Variants in CCDC3 observed in about 807,000 individuals in gnomAD.
The protein encoded by CCDC3 is coiled-coil domain containing 3, also known as coiled-coil domain-containing protein 3.
Under a neutral mutation model 21.4 loss-of-function variants are expected in CCDC3, and 24 were observed. That is an observed-to-expected ratio of 1.12 (90% CI 0.81 to 1.58). CCDC3 has a LOEUF of 1.58. Among genes scored for constraint, CCDC3 ranks in the 40% most tolerant of loss-of-function variants. CCDC3 has a pLI of 0.00. For missense variants in CCDC3, 425 were observed against 360.9 expected, an observed-to-expected ratio of 1.18 and a Z score of -1.44; for synonymous variants, 186 against 166.0, an observed-to-expected ratio of 1.12 and a Z score of -0.93.
At chr10:12,992,050 A>G (rs776602364) in intron 2 of CCDC3, among the ~76,000 whole-genome samples, 1 of 149,294 alleles carries the variant, frequency 6.7e-6, no homozygotes, top group African/African-American at 2.5e-5. Context: ...GACGGTGGTA[A>G]TAACACATAT....
At chr10:12,986,423 C>A (rs1414932328) in intron 2 of CCDC3, among the ~76,000 whole-genome samples, 1 of 152,200 alleles carries the variant, frequency 6.6e-6, no homozygotes, top group African/African-American at 2.4e-5. Context: ...CTGTACATTT[C>A]TTTGCAACTG....
rs76034469 is a variant in CCDC3, at chr10:12,903,320, C to G, written c.550-4641G>C. ...CCTGTGTTTAAGAAAGCAAGAATTT[C>G]TAGAGGAGAGCTGTGCTTTCCAAAA... is the stretch of plus-strand genomic sequence containing the variant. On this transcript the variant is annotated intron_variant, in intron 2 of 2. Coordinates refer to ENST00000378825, the MANE Select transcript of CCDC3 (RefSeq NM_031455.4). Among the ~76,000 whole-genome samples, 194 of 152,340 alleles carry G rather than the reference C, an allele frequency of 1.3e-3. 2 individuals are homozygous for G. In the East Asian group the frequency reaches 0.025, roughly 20 times the overall value.
At chr10:13,084,101 T>C (rs189525391) in intron 3 of CCDC3, among the ~76,000 whole-genome samples, 136 of 152,318 alleles carry the variant, frequency 8.9e-4, no homozygotes, top group African/African-American at 2.9e-3. Flanking sequence ...TTGCAAGATA[T>C]AGTCATTAAG....
chr10:12,953,029 C>T (rs548741715), intron 2 of CCDC3, among the ~76,000 whole-genome samples: 59 of 152,104 alleles, frequency 3.9e-4, no homozygotes, highest in Non-Finnish European at 5.6e-4. Flanking sequence ...TGTTGGACCC[C>T]GTATTAGGCC....
chr10:13,021,644 G>C (rs145545879), intron 5 of CCDC3, among the ~76,000 whole-genome samples: 1 of 152,118 alleles, frequency 6.6e-6, no homozygotes, highest in East Asian at 1.9e-4. Flanking sequence ...TCTCTATTTT[G>C]TGACTTCCAA....
chr10:13,032,471 G>C (rs1440277611), intron 5 of CCDC3, among the ~76,000 whole-genome samples: 2 of 152,176 alleles, frequency 1.3e-5, no homozygotes, highest in African/African-American at 4.8e-5. Flanking sequence ...ATTCAAAATA[G>C]TGTTGGAAGT....
chr10:13,043,500 G>A (rs1332969878), intron 5 of CCDC3, among the ~76,000 whole-genome samples: 2 of 152,158 alleles, frequency 1.3e-5, no homozygotes, highest in Non-Finnish European at 2.9e-5. Context: ...GGCTGAGGCA[G>A]GAGAATCGCC....
chr10:12,952,966 T>C (rs1835029116), intron 2 of CCDC3, among the ~76,000 whole-genome samples: 1 of 152,184 alleles, frequency 6.6e-6, no homozygotes, highest in Non-Finnish European at 1.5e-5. Flanking sequence ...CAGTTGATCT[T>C]ATTCAAAGAA....
At chr10:13,034,673 AT>A (rs1836353693) in intron 5 of CCDC3, among the ~76,000 whole-genome samples, 2 of 151,828 alleles carry the variant, frequency 1.3e-5, no homozygotes, top group African/African-American at 2.4e-5. Flanking sequence ...TATTCCTGTA[AT>A]AAATGGAATC....
intron 2 of CCDC3, among the ~76,000 whole-genome samples, chr10:12,918,406 T>C (rs1225651498): frequency 1.3e-5 from 2 of 152,260 alleles, no homozygotes; most frequent in African/African-American, 2.4e-5. Context: ...TATTAGACTA[T>C]TGCAAAGTTA....
At chr10:12,949,166 C>A (rs1262848382) in intron 2 of CCDC3, among the ~76,000 whole-genome samples, 7 of 152,162 alleles carry the variant, frequency 4.6e-5, no homozygotes, top group African/African-American at 1.7e-4. Context: ...CAGTGTTCCC[C>A]TTGTTTCCTC....
intron 2 of CCDC3, among the ~76,000 whole-genome samples, chr10:12,907,807 C>T (rs927892913): frequency 2.0e-5 from 3 of 152,080 alleles, no homozygotes; most frequent in Non-Finnish European, 2.9e-5. Flanking sequence ...CATCCCCATA[C>T]CAAATCCCTT....
At chr10:13,044,201 G>T (rs1208599367) in intron 5 of CCDC3, among the ~76,000 whole-genome samples, 1 of 152,110 alleles carries the variant, frequency 6.6e-6, no homozygotes, top group Non-Finnish European at 1.5e-5. Context: ...TTCTAATAAG[G>T]TTATTGTTTC....
chr10:13,001,012 G>A (rs1259116464), intron 1 of CCDC3, among the ~76,000 whole-genome samples, 185 bp downstream of exon 1: 1 of 152,186 alleles, frequency 6.6e-6, no homozygotes, highest in South Asian at 2.1e-4. Flanking sequence ...GGGTAGTCAG[G>A]ATGTCTGTAG....
At chr10:12,956,780 C>A (rs1835095877) in intron 2 of CCDC3, among the ~76,000 whole-genome samples, 1 of 152,140 alleles carries the variant, frequency 6.6e-6, no homozygotes, top group Non-Finnish European at 1.5e-5. Context: ...CCACCCACCA[C>A]CACAAACTCA....
intron 4 of CCDC3, among the ~76,000 whole-genome samples, chr10:13,061,098 T>C (rs1046015587): frequency 2.0e-5 from 3 of 152,224 alleles, no homozygotes; most frequent in African/African-American, 7.2e-5. Context: ...ATAATCCCTG[T>C]CTCAGAGAGG....
At chr10:12,989,107 T>C (rs955802234) in intron 2 of CCDC3, among the ~76,000 whole-genome samples, 2 of 152,238 alleles carry the variant, frequency 1.3e-5, no homozygotes, top group African/African-American at 4.8e-5. Flanking sequence ...AAGGTCTTCA[T>C]AGCCCCCTAC....
At chr10:13,081,075 G>A (rs192236219) in intron 3 of CCDC3, among the ~76,000 whole-genome samples, 568 of 149,758 alleles carry the variant, frequency 3.8e-3, no homozygotes, top group Non-Finnish European at 6.7e-3. Flanking sequence ...AACAAAATAA[G>A]AAGCCCCAAA....
At chr10:12,927,766 T>C (rs553474630) in intron 2 of CCDC3, among the ~76,000 whole-genome samples, 161 of 152,254 alleles carry the variant, frequency 1.1e-3, no homozygotes, top group African/African-American at 3.6e-3. Flanking sequence ...TGGGGTTAAT[T>C]TGAACCATAT....
Sources: gnomAD v4.1 joint callset for allele counts (sites outside exome capture counted in the v4.1 genomes callset) on GRCh38, gnomAD v4.1.1 for gene constraint, MANE v1.5 for transcripts, NCBI Gene and HGNC (gene_info 2026-07-23, HGNC 2026-07-21) for gene names.